The following PTPRD variants were observed in gnomAD, a reference collection of about 807,000 sequenced individuals.
PTPRD encodes receptor-type tyrosine-protein phosphatase delta.
A neutral mutation model predicts 214.5 loss-of-function variants in PTPRD; 34 were observed. The ratio of observed to expected loss-of-function variants is 0.16; its 90% CI spans 0.12 to 0.21. The LOEUF (loss-of-function observed/expected upper bound fraction) is 0.21, where lower values mean the gene tolerates loss of function less well. Ranked by LOEUF, PTPRD falls within the 10% of genes least tolerant of loss-of-function variation. The pLI is 1.00. For synonymous variants in PTPRD, 1,128 were observed against 845.7 expected (o/e 1.33, Z -5.79); for missense variants, 2,545 against 2,398.7 (o/e 1.06, Z -1.27).
At chr9:8,919,224 C>T (rs577150651) in intron 11 of PTPRD, among the ~76,000 whole-genome samples, 52 of 151,984 alleles carry the variant, frequency 3.4e-4, no homozygotes, top group Non-Finnish European at 6.9e-4. Flanking sequence ...GAAATCCTGT[C>T]TCTAGTAAAA....
chr9:8,352,825 A>G lies in PTPRD; in HGVS notation c.4662-10847T>C, dbSNP rs554700604. Among the ~76,000 whole-genome samples, 11 of 152,316 alleles carry G rather than the reference A, an allele frequency of 7.2e-5. No homozygotes were observed. The South Asian group carries it at 2.3e-3, about 32-fold the overall frequency. ...TTGGTTTTTCTTTTTAAAAAATGCT[A>G]TTATTGCCCAGGCATGGTGGCTCAT... On this transcript the variant is annotated intron_variant, in intron 39 of 45. Transcript: ENST00000381196.
intron 36 of PTPRD, among the ~76,000 whole-genome samples, chr9:8,397,892 C>A (rs1485857117): frequency 6.6e-6 from 1 of 151,918 alleles, no homozygotes; most frequent in East Asian, 1.9e-4. Flanking sequence ...TTGAATTGCT[C>A]CTGTTTTGCA....
intron 10 of PTPRD, among the ~76,000 whole-genome samples, chr9:9,114,176 G>A (rs2099809899): frequency 1.3e-5 from 2 of 152,148 alleles, no homozygotes; most frequent in African/African-American, 4.8e-5. Flanking sequence ...GGCCAATCAT[G>A]TTGCCTTTAA....
intron 2 of PTPRD, among the ~76,000 whole-genome samples, chr9:10,469,784 G>A (rs1158250831): frequency 6.6e-6 from 1 of 152,050 alleles, no homozygotes; most frequent in Non-Finnish European, 1.5e-5. Context: ...AATGGATAAA[G>A]AAAATGTCAT....
intron 30 of PTPRD, among the ~76,000 whole-genome samples, chr9:8,483,150 G>A (rs2096922790): frequency 6.6e-6 from 1 of 152,092 alleles, no homozygotes; most frequent in Non-Finnish European, 1.5e-5. Flanking sequence ...ATATGTCCTT[G>A]GACAAACTTA....
chr9:10,331,826 A>G (rs1371517802), intron 3 of PTPRD, among the ~76,000 whole-genome samples: 1 of 151,886 alleles, frequency 6.6e-6, no homozygotes, highest in Non-Finnish European at 1.5e-5. Context: ...ACTCATGATC[A>G]CTTTCAGTTG....
chr9:9,276,616 T>G (rs2133280478), intron 9 of PTPRD, among the ~76,000 whole-genome samples: 1 of 151,452 alleles, frequency 6.6e-6, no homozygotes, highest in South Asian at 2.1e-4. Flanking sequence ...GGCAATTTAC[T>G]TGGATCTCAG....
At chr9:9,614,556 C>A (rs530294833) in intron 7 of PTPRD, among the ~76,000 whole-genome samples, 1 of 152,202 alleles carries the variant, frequency 6.6e-6, no homozygotes, top group South Asian at 2.1e-4. Context: ...TAAACTGACA[C>A]CAGAAAGGTA....
chr9:8,725,718 T>G lies in PTPRD; in HGVS notation c.64+8062A>C, dbSNP rs192516797. ...TAGTCCTTGTGATAACTGTATCAAG[T>G]GTGTGCTATATTTATCTTCATTTTA... On this transcript the variant is annotated intron_variant, in intron 12 of 45. Transcript: ENST00000381196. Among the ~76,000 whole-genome samples, 44 of 152,324 alleles carry G rather than the reference T, an allele frequency of 2.9e-4. 1 individual carries two copies. In the East Asian group the frequency reaches 4.8e-3, roughly 17 times the overall value.
chr9:9,840,747 G>A (rs962764942), intron 5 of PTPRD, among the ~76,000 whole-genome samples: 2 of 100,938 alleles, frequency 2.0e-5, no homozygotes, highest in African/African-American at 8.4e-5. Context: ...TGGCGACAGA[G>A]CAAGACTCCG....
chr9:10,351,415 C>G (rs2097180221), intron 2 of PTPRD, among the ~76,000 whole-genome samples: 1 of 152,036 alleles, frequency 6.6e-6, no homozygotes, highest in Non-Finnish European at 1.5e-5. Flanking sequence ...TTAAGAGTCA[C>G]ATACACACAT....
chr9:8,393,240 T>C (rs1017945181), intron 36 of PTPRD, among the ~76,000 whole-genome samples: 8 of 152,174 alleles, frequency 5.3e-5, no homozygotes, highest in African/African-American at 1.9e-4. Flanking sequence ...CAGAGTGCAC[T>C]TCTAATCCAA....
intron 35 of PTPRD, among the ~76,000 whole-genome samples, chr9:8,405,592 A>G (rs1469728781): frequency 6.6e-6 from 1 of 152,104 alleles, no homozygotes; most frequent in Non-Finnish European, 1.5e-5. Context: ...GGAAATCAAA[A>G]TACTTTTTCT....
At position 8,681,974 on chromosome 9, in the gene PTPRD, G is replaced by A. The variant is rs897745930; in HGVS notation, c.65-45130C>T. Among the ~76,000 whole-genome samples, 4 of 152,134 alleles carry A rather than the reference G, an allele frequency of 2.6e-5. No individual in the cohort carries two copies. In the East Asian group the frequency reaches 7.7e-4, roughly 29 times the overall value. ...AGAAGACAATGGAAATCTCCAAAAAGTTCTACAAACATTTCCCACAAAACA... is the reference window on the plus strand; with the variant it reads ...AGAAGACAATGGAAATCTCCAAAAAATTCTACAAACATTTCCCACAAAACA... On this transcript the variant is annotated intron_variant, in intron 12 of 45. Coordinates refer to ENST00000381196, the MANE Select transcript of PTPRD (RefSeq NM_002839.4).
intron 29 of PTPRD, 114 bp downstream of exon 29, chr9:8,485,113 G>A (rs1345535271): frequency 2.6e-6 from 2 of 757,170 alleles, no homozygotes; most frequent in Non-Finnish European, 4.4e-6. Context: ...AATGAAAATA[G>A]CAAGGACACG....
intron 39 of PTPRD, among the ~76,000 whole-genome samples, chr9:8,354,831 T>TATC (rs2076560333): frequency 6.6e-6 from 1 of 152,204 alleles, no homozygotes; most frequent in Admixed American, 6.5e-5. Context: ...TCCACGATTC[T>TATC]ATCAATCAAT....
chr9:10,360,997 G>C (rs1056418135), intron 2 of PTPRD, among the ~76,000 whole-genome samples: 1 of 152,096 alleles, frequency 6.6e-6, no homozygotes, highest in Non-Finnish European at 1.5e-5. Context: ...AGCTACTCGG[G>C]AGGCTGAGGC....
chr9:9,599,402 C>A (rs2093595445), intron 7 of PTPRD, among the ~76,000 whole-genome samples: 1 of 151,982 alleles, frequency 6.6e-6, no homozygotes. Context: ...ATGCCCTTAA[C>A]CAGGAAGCCT....
chr9:8,319,733 T>G lies in PTPRD; in HGVS notation c.5670+98A>C, dbSNP rs543740395. 4.0e-5 allele frequency: 57 copies of G among 1,423,300 alleles called. No homozygotes were observed. The East Asian group carries it at 1.0e-3, about 25-fold the overall frequency. The allele number at this position is 1,423,300 out of a possible 1,614,324, so 88.2% of individuals were successfully genotyped here. The stretch of plus-strand genomic sequence containing the variant: ...AAACAGTTTGATGCTTTCCCCACAG[T>G]ATTTTGTGTCTGGTGTTGAGAGAGT... On this transcript the variant is annotated intron_variant, in intron 45 of 45. Coordinates refer to ENST00000381196, the MANE Select transcript of PTPRD (RefSeq NM_002839.4).
Sources: gnomAD v4.1 joint callset for allele counts (sites outside exome capture counted in the v4.1 genomes callset) on GRCh38, gnomAD v4.1.1 for gene constraint, MANE v1.5 for transcripts, NCBI Gene and HGNC (gene_info 2026-07-23, HGNC 2026-07-21) for gene names.